GLI3: variants seen among roughly 807,000 people sequenced by gnomAD.
The protein encoded by GLI3 is transcription activator GLI3.
In GLI3, 20 loss-of-function variants were observed where a neutral mutation model predicts 100.8. That is an observed-to-expected ratio of 0.20 (90% confidence interval 0.14 to 0.29). The LOEUF (loss-of-function observed/expected upper bound fraction) is 0.29, where lower values mean the gene tolerates loss of function less well. Among genes scored for constraint, GLI3 ranks in the 10% least tolerant of loss-of-function variants. The probability of loss-of-function intolerance (pLI) is 1.00; values close to 1 mark genes in which losing one functional copy is unlikely to be tolerated. For synonymous variants in GLI3, 938 were observed against 860.5 expected (o/e 1.09, Z -1.58); for missense variants, 2,040 against 2,128.5 (o/e 0.96, Z 0.82).
At chr7:42,013,474 C>T (rs1186840227) in intron 10 of GLI3, among the ~76,000 whole-genome samples, 1 of 151,984 alleles carries the variant, frequency 6.6e-6, no homozygotes, top group Non-Finnish European at 1.5e-5. Flanking sequence ...CTCATTGCAG[C>T]CACCTCAGCC....
intron 3 of GLI3, among the ~76,000 whole-genome samples, chr7:42,084,942 C>T (rs183130531): frequency 0.065 from 7,009 of 108,174 alleles, 238 homozygotes; most frequent in Non-Finnish European, 0.084. Context: ...GATTGAGTCT[C>T]ACTCTATTGC....
chr7:41,995,323 G>A (rs974853890), intron 10 of GLI3, among the ~76,000 whole-genome samples: 2 of 152,120 alleles, frequency 1.3e-5, no homozygotes, highest in Admixed American at 1.3e-4. Context: ...CTCCTTCCTG[G>A]TTTATCTTCT....
At position 42,223,199 on chromosome 7, in the gene GLI3, A is replaced by T. The variant is rs769148448; in HGVS notation, c.55T>A (p.Ser19Thr). The T allele has an allele frequency of 1.2e-6, 2 of 1,613,912 alleles. No individual in the cohort carries two copies. The highest frequency in any genetic ancestry group is 2.2e-5 in the South Asian group (2 of 91,074). ...GTTCGAGTGGAGCACTTCACTATGG[A>T]ATTCTCAACTTTTTTCTTTTCAGTG... ...TTTEKKKVEN[S>T]IVKCSTRTDV... The change falls in exon 2 of 15, where the codon TCC (serine) becomes ACC (threonine). Residue 19 changes from serine to threonine, a missense_variant. Physicochemically the swap from Ser to Thr is moderately conservative, Grantham distance 58. This residue lies in a region of GLI3 where 603 missense variants were observed against 690.9 expected (regional missense o/e 0.87). Transcript: ENST00000395925.
chr7:42,021,416 T>C (rs1239399669), intron 10 of GLI3, among the ~76,000 whole-genome samples: 1 of 152,226 alleles, frequency 6.6e-6, no homozygotes, highest in Non-Finnish European at 1.5e-5. Context: ...ATTTAGTTGG[T>C]AGTTTTAAGC....
chr7:42,240,354 G>A (rs575894248), upstream of GLI3, among the ~76,000 whole-genome samples: 58 of 152,282 alleles, frequency 3.8e-4, no homozygotes, highest in African/African-American at 1.3e-3. Flanking sequence ...ACTTGCATTT[G>A]TTTTCTAGGG....
intron 10 of GLI3, among the ~76,000 whole-genome samples, chr7:41,984,027 G>A (rs1787744942): frequency 6.6e-6 from 1 of 152,172 alleles, no homozygotes; most frequent in South Asian, 2.1e-4. Flanking sequence ...CCCATAGAAA[G>A]GTGGGAGAAA....
At chr7:42,003,204 T>G (rs188204897) in intron 10 of GLI3, among the ~76,000 whole-genome samples, 6 of 152,102 alleles carry the variant, frequency 3.9e-5, no homozygotes, top group African/African-American at 1.4e-4. Flanking sequence ...AAGAAGACAG[T>G]CAAAATTCAT....
intron 2 of GLI3, among the ~76,000 whole-genome samples, chr7:42,205,858 C>A (rs539667764): frequency 1.1e-4 from 16 of 152,098 alleles, no homozygotes. Flanking sequence ...CTTTGATATA[C>A]GCCTGGGAAG....
chr7:42,053,955 G>A (rs980627093), intron 4 of GLI3, among the ~76,000 whole-genome samples: 14 of 152,090 alleles, frequency 9.2e-5, no homozygotes, highest in East Asian at 1.9e-4. Context: ...GATGTGCCTC[G>A]CCCCATTATC....
At chr7:42,130,174 G>T (rs1786238402) in intron 3 of GLI3, among the ~76,000 whole-genome samples, 1 of 152,092 alleles carries the variant, frequency 6.6e-6, no homozygotes, top group African/African-American at 2.4e-5. Flanking sequence ...GTTCTGGCAT[G>T]TGGAGAAGCT....
chr7:42,034,751 G>T (rs1212722757), intron 7 of GLI3, among the ~76,000 whole-genome samples: 1 of 152,056 alleles, frequency 6.6e-6, no homozygotes, highest in East Asian at 1.9e-4. Flanking sequence ...TAACATCTGG[G>T]TCATTTCCTT....
Position 42,000,025 on chromosome 7 carries a change from G to T in GLI3, c.1498-21277C>A, listed in dbSNP as rs547951811. 4.4e-4 allele frequency among the ~76,000 whole-genome samples: 67 copies of T among 152,328 alleles called. 1 individual carries two copies. In the Middle Eastern group the frequency reaches 0.024, roughly 55 times the overall value. On this transcript the variant is annotated intron_variant, in intron 10 of 14. Coordinates refer to ENST00000395925, the MANE Select transcript of GLI3 (RefSeq NM_000168.6). ...CAGGGAGAGGGAACATCCCACCTTC[G>T]TCCTGCAGGGCTGAATGCCCGTCAA...
At position 41,964,111 on chromosome 7, in the gene GLI3, C is replaced by A; in HGVS notation, c.*219G>T. On this transcript the variant is annotated 3_prime_UTR_variant, in exon 15 of 15. Transcript: ENST00000395925. ...AGAGGGTGGTTTGAGTGTAACAATA[C>A]TGATTCAAAACTGAAATGGAAGACA... 7.2e-5 allele frequency: 29 copies of A among 400,066 alleles called. No individual in the cohort carries two copies. The highest frequency in any genetic ancestry group is 1.1e-4 in the Non-Finnish European group (25 of 218,124). 24.8% of individuals were successfully genotyped at this position (400,066 alleles called of 1,614,324 possible). A position where few individuals can be genotyped will look rare whatever the true frequency, so the allele number is the denominator to read the frequency against.
intron 3 of GLI3, among the ~76,000 whole-genome samples, chr7:42,100,408 G>A (rs1473492574): frequency 1.3e-5 from 2 of 152,244 alleles, no homozygotes; most frequent in African/African-American, 4.8e-5. Context: ...TCATTAGGAT[G>A]GGCCCTAAAT....
At position 42,223,443 on chromosome 7, in the gene GLI3, CA is replaced by C. The variant is rs11366795; in HGVS notation, c.-42-149del. On this transcript the variant is annotated intron_variant, in intron 1 of 14. Transcript: ENST00000395925. ...TGACACTTCTCCACAGGTTTTCTGG[CA>C]AAAAAAAAAGTCTCAAAATTTAACA... The C allele has an allele frequency of 0.49, 231,412 of 476,150 alleles. 56,328 individuals carry two copies. The highest frequency in any genetic ancestry group is 0.72 in the East Asian group (18,673 of 26,036). The allele number at this position is 476,150 out of a possible 1,614,324, so 29.5% of individuals were successfully genotyped here. A position where few individuals can be genotyped will look rare whatever the true frequency, so the allele number is the denominator to read the frequency against.
chr7:42,111,390 G>A (rs892183941), intron 3 of GLI3, among the ~76,000 whole-genome samples: 24 of 152,158 alleles, frequency 1.6e-4, no homozygotes, highest in African/African-American at 2.4e-4. Flanking sequence ...GGGTCTGGAC[G>A]GTGTTGTCAG....
At chr7:42,117,803 A>G (rs967961671) in intron 3 of GLI3, among the ~76,000 whole-genome samples, 1 of 152,172 alleles carries the variant, frequency 6.6e-6, no homozygotes, top group South Asian at 2.1e-4. Flanking sequence ...GATCTGGTGT[A>G]CATTTAAATG....
At chr7:42,235,048 T>G (rs1346393059) in intron 1 of GLI3, among the ~76,000 whole-genome samples, 1 of 152,198 alleles carries the variant, frequency 6.6e-6, no homozygotes, top group East Asian at 1.9e-4. Flanking sequence ...CCCGGCAGCT[T>G]TAATATATCC....
At chr7:42,026,169 C>T (rs199545065) in intron 8 of GLI3, 30 bp downstream of exon 8, 74 of 1,540,594 alleles carry the variant, frequency 4.8e-5, no homozygotes, top group African/African-American at 1.8e-4. Flanking sequence ...CTGACCAGCA[C>T]GGCCGGGTGC....
Sources: gnomAD v4.1 joint callset for allele counts (sites outside exome capture counted in the v4.1 genomes callset) on GRCh38, gnomAD v4.1.1 for gene constraint, gnomAD v4.1.1 regional missense constraint, MANE v1.5 for transcripts, NCBI Gene and HGNC (gene_info 2026-07-23, HGNC 2026-07-21) for gene names.